The following NIPBL variants were observed in gnomAD, a reference collection of about 807,000 sequenced individuals.
NIPBL encodes the protein NIPBL cohesin loading factor.
Under a neutral mutation model 321.8 loss-of-function variants are expected in NIPBL, and 19 were observed. The ratio of observed to expected loss-of-function variants is 0.06; its 90% CI spans 0.04 to 0.09. The LOEUF (loss-of-function observed/expected upper bound fraction) is 0.09. Among genes scored for constraint, NIPBL ranks in the 10% least tolerant of loss-of-function variants. The pLI, the probability that NIPBL is intolerant of heterozygous loss-of-function variation, is 1.00. For synonymous variants in NIPBL, 1,106 were observed against 1,114.1 expected (o/e 0.99, Z 0.14); for missense variants, 2,210 against 3,327.0 (o/e 0.66, Z 8.26).
chr5:36,992,788 G>A (rs567173990), intron 10 of NIPBL, among the ~76,000 whole-genome samples: 1 of 151,378 alleles, frequency 6.6e-6, no homozygotes, highest in Non-Finnish European at 1.5e-5. Flanking sequence ...TGTTGCCCAG[G>A]CTGGAGTGCA....
intron 1 of NIPBL, among the ~76,000 whole-genome samples, chr5:36,944,488 A>T (rs544677057): frequency 6.6e-6 from 1 of 152,294 alleles, no homozygotes; most frequent in South Asian, 2.1e-4. Flanking sequence ...GAGTTTCTTG[A>T]AAAGATTCTT....
At chr5:36,968,442 G>A (rs980835767) in intron 6 of NIPBL, among the ~76,000 whole-genome samples, 3 of 151,918 alleles carry the variant, frequency 2.0e-5, no homozygotes, top group Non-Finnish European at 4.4e-5. Context: ...AGTGGCAGGC[G>A]CCTGTAGTCC....
intron 1 of NIPBL, among the ~76,000 whole-genome samples, chr5:36,905,217 A>C (rs1467521985): frequency 6.6e-6 from 1 of 152,212 alleles, no homozygotes; most frequent in Non-Finnish European, 1.5e-5. Context: ...TAAGCAATGA[A>C]TTTGAATAAT....
chr5:37,027,707 C>T (rs1750468339), intron 32 of NIPBL, among the ~76,000 whole-genome samples: 1 of 147,564 alleles, frequency 6.8e-6, no homozygotes, highest in Non-Finnish European at 1.5e-5. Flanking sequence ...CAACCTCTGC[C>T]TCCTGGGTTC....
chr5:37,020,412 C>A, intron 25 of NIPBL, 47 bp from the exon 26 acceptor site: 1 of 1,297,458 alleles, frequency 7.7e-7, no homozygotes, highest in Non-Finnish European at 1.1e-6. Context: ...ACTTGGAAAT[C>A]TTGTTGCTAA....
chr5:37,021,931 T>G (rs1221994771), intron 27 of NIPBL, 120 bp from the exon 28 acceptor site: 5 of 782,396 alleles, frequency 6.4e-6, no homozygotes, highest in Admixed American at 2.1e-5. Context: ...TTTACTCATT[T>G]ATATACAGAT....
intron 21 of NIPBL, among the ~76,000 whole-genome samples, chr5:37,012,456 A>ATTTTTTT (rs763144789): frequency 9.3e-5 from 10 of 107,206 alleles, no homozygotes; most frequent in Non-Finnish European, 1.3e-4. Context: ...TCTTTCTCCA[A>ATTTTTTT]TTTTTTTTTT....
At chr5:36,911,039 T>A (rs1323382195) in intron 1 of NIPBL, among the ~76,000 whole-genome samples, 2 of 152,204 alleles carry the variant, frequency 1.3e-5, no homozygotes, top group Admixed American at 1.3e-4. Flanking sequence ...GGAAAAAAGA[T>A]CATTTAAAAA....
chr5:37,004,599 C>G (rs1057122142), intron 16 of NIPBL, among the ~76,000 whole-genome samples: 2 of 151,978 alleles, frequency 1.3e-5, no homozygotes, highest in African/African-American at 2.4e-5. Flanking sequence ...TAGAGCCAAG[C>G]GCTCACTCTG....
Position 36,976,674 on chromosome 5 carries a change from G to A in NIPBL, c.1495+272G>A, listed in dbSNP as rs72734702. On this transcript the variant is annotated intron_variant, in intron 9 of 46. Transcript: ENST00000282516. ...TGATTTTACTTATTTGTGCTTTTCT[G>A]CTAAAATGAACATTAGCATTTCTAT... 0.015 allele frequency among the ~76,000 whole-genome samples: 2,295 copies of A among 152,116 alleles called. 26 individuals carry two copies. Among genetic ancestry groups the A allele is most frequent in the South Asian group, 0.028 (136 of 4,824 alleles).
At chr5:36,995,523 G>T in intron 10 of NIPBL, 99 bp from the exon 11 acceptor site, 1 of 781,280 alleles carries the variant, frequency 1.3e-6, no homozygotes. Flanking sequence ...AGTTGATTTA[G>T]AAAACAAATA....
At chr5:36,889,151 G>C (rs141762126) in intron 1 of NIPBL, among the ~76,000 whole-genome samples, 71 of 152,212 alleles carry the variant, frequency 4.7e-4, no homozygotes, top group African/African-American at 1.6e-3. Flanking sequence ...TAAATACTGA[G>C]CAAGTTTTAT....
chr5:36,972,393 G>C (rs1339946741), intron 8 of NIPBL, among the ~76,000 whole-genome samples: 3 of 151,894 alleles, frequency 2.0e-5, no homozygotes, highest in Non-Finnish European at 4.4e-5. Flanking sequence ...TATTTCATAT[G>C]AGCCCATCTG....
At chr5:36,946,336 C>A (rs1739670617) in intron 1 of NIPBL, among the ~76,000 whole-genome samples, 1 of 151,932 alleles carries the variant, frequency 6.6e-6, no homozygotes, top group Admixed American at 6.6e-5. Context: ...CACACTATAA[C>A]AAGGTCTGAA....
At chr5:36,954,170 C>A (rs1740696569) in intron 2 of NIPBL, among the ~76,000 whole-genome samples, 1 of 151,998 alleles carries the variant, frequency 6.6e-6, no homozygotes, top group Admixed American at 6.6e-5. Flanking sequence ...ACTGTGTCAT[C>A]CTACCTGAAT....
intron 6 of NIPBL, among the ~76,000 whole-genome samples, chr5:36,970,413 A>G (rs979882554): frequency 5.5e-5 from 8 of 144,514 alleles, no homozygotes; most frequent in African/African-American, 1.8e-4. Context: ...ATTTAAAACT[A>G]TATATATATA....
chr5:37,009,430 G>A (rs1747834475), intron 20 of NIPBL, among the ~76,000 whole-genome samples: 1 of 152,000 alleles, frequency 6.6e-6, no homozygotes, highest in African/African-American at 2.4e-5. Context: ...GTGTTGACGT[G>A]GCATATAGGA....
chr5:36,955,431 T>C lies in NIPBL; in HGVS notation c.65-41T>C, dbSNP rs558196170. The stretch of plus-strand genomic sequence containing the variant: ...CAGATAAGCACTAAAGAGACTTCTA[T>C]AGTCACTCAATTTCTAATAATCTGA... On this transcript the variant is annotated intron_variant, in intron 2 of 46. Coordinates refer to ENST00000282516, the MANE Select transcript of NIPBL (RefSeq NM_133433.4). 246 of 1,537,954 alleles carry C rather than the reference T, an allele frequency of 1.6e-4. 3 individuals are homozygous for C. In the South Asian group the frequency reaches 2.5e-3, roughly 16 times the overall value.
At chr5:37,034,355 T>TGC (rs1258839169) in intron 32 of NIPBL, among the ~76,000 whole-genome samples, 2 of 152,200 alleles carry the variant, frequency 1.3e-5, no homozygotes. Context: ...AGTTGAACAA[T>TGC]GCATGTATCC....
Sources: allele counts gnomAD v4.1 joint callset (sites outside exome capture counted in the v4.1 genomes callset), GRCh38; gene constraint gnomAD v4.1.1; transcripts MANE v1.5; gene names NCBI Gene and HGNC (gene_info 2026-07-23, HGNC 2026-07-21).